Variants in HUNK observed in about 807,000 individuals in gnomAD.
HUNK encodes hormonally up-regulated neu tumor-associated kinase.
In HUNK, 21 loss-of-function variants were observed where a neutral mutation model predicts 61.0. That is an observed-to-expected ratio of 0.34 (90% CI 0.24 to 0.50). HUNK has a LOEUF of 0.50. Among genes scored for constraint, HUNK ranks in the 20% least tolerant of loss-of-function variants. The probability of loss-of-function intolerance (pLI) is 0.98; values close to 1 mark genes in which losing one functional copy is unlikely to be tolerated. For missense variants in HUNK, 772 were observed against 945.7 expected (o/e 0.82, Z 2.41); for synonymous variants, 371 against 386.1 (o/e 0.96, Z 0.46).
At chr21:31,947,044 T>G (rs1201888749) in intron 4 of HUNK, among the ~76,000 whole-genome samples, 2 of 151,304 alleles carry the variant, frequency 1.3e-5, no homozygotes, top group Non-Finnish European at 3.0e-5. Context: ...CGCCTGCGCA[T>G]TCCCACATCC....
Position 31,998,584 on chromosome 21 carries a change from T to C in HUNK, c.1545T>C (p.Ser515=), listed in dbSNP as rs1340946442. The change falls in exon 11 of 11, where the codon TCT becomes TCC. Residue 515 remains serine (S), a synonymous_variant. Transcript: ENST00000270112. ...RKTSDSNCVA[S]SSMEFIPVPP... ...CCTCAGATTCCAATTGTGTGGCTTC[T>C]TCTTCCATGGAGTTCATCCCCGTGC... The C allele has an allele frequency of 8.1e-6, 13 of 1,611,068 alleles. No homozygotes were observed. In the Admixed American group the frequency reaches 1.9e-4, roughly 23 times the overall value.
At chr21:31,992,390 C>T (rs2053177388) in intron 9 of HUNK, among the ~76,000 whole-genome samples, 1 of 152,240 alleles carries the variant, frequency 6.6e-6, no homozygotes, top group Admixed American at 6.5e-5. Flanking sequence ...AAATGTCCCA[C>T]TTTGCAAATG....
chr21:31,951,209 A>T (rs180817805), intron 4 of HUNK, among the ~76,000 whole-genome samples: 164 of 148,566 alleles, frequency 1.1e-3, no homozygotes, highest in East Asian at 3.7e-3. Context: ...TATATATATA[A>T]AAATAACATA....
chr21:31,947,056 A>ATTCTCAAGCCAGT (rs2052809311), intron 4 of HUNK, among the ~76,000 whole-genome samples: 1 of 145,350 alleles, frequency 6.9e-6, no homozygotes, highest in Admixed American at 6.8e-5. Flanking sequence ...CCCACATCCC[A>ATTCTCAAGCCAGT]GGCTCAAGCC....
intron 1 of HUNK, among the ~76,000 whole-genome samples, chr21:31,918,392 G>C (rs1448562408): frequency 6.6e-6 from 1 of 152,188 alleles, no homozygotes; most frequent in East Asian, 1.9e-4. Context: ...GTCAGATGAT[G>C]GTAGGGCACA....
intron 1 of HUNK, among the ~76,000 whole-genome samples, chr21:31,900,108 G>T (rs1261217338): frequency 6.6e-6 from 1 of 152,030 alleles, no homozygotes; most frequent in Admixed American, 6.6e-5. Flanking sequence ...CTCCTACTGA[G>T]TCCCTTTGAC....
At chr21:31,905,607 T>G (rs142781064) in intron 1 of HUNK, among the ~76,000 whole-genome samples, 9 of 152,288 alleles carry the variant, frequency 5.9e-5, no homozygotes, top group African/African-American at 2.2e-4. Context: ...CTGAGAGCCA[T>G]TATCTGCTGT....
At position 31,998,611 on chromosome 21, in the gene HUNK, A is replaced by G. The variant is rs1346157456; in HGVS notation, c.1572A>G (p.Pro524=). Residue 524 remains proline, a synonymous_variant, in exon 11 of 11, where the codon CCA becomes CCG. Coordinates refer to ENST00000270112, the MANE Select transcript of HUNK (RefSeq NM_014586.2). ...ASSSMEFIPV[P]PPRTPRIVKK... ...CTTCCATGGAGTTCATCCCCGTGCC[A>G]CCGCCCAGGACCCCGAGGATTGTGA... 3 of 1,613,786 alleles carry G rather than the reference A, an allele frequency of 1.9e-6. No individual in the cohort carries two copies. The South Asian group carries it at 3.3e-5, about 18-fold the overall frequency.
intron 1 of HUNK, among the ~76,000 whole-genome samples, chr21:31,915,561 A>T (rs2833560): frequency 0.18 from 27,024 of 151,716 alleles, 2,952 homozygotes; most frequent in African/African-American, 0.3. Context: ...TGATCAGTAT[A>T]TTTTTTTTCT....
At chr21:31,936,979 C>T (rs1255416619) in intron 2 of HUNK, among the ~76,000 whole-genome samples, 1 of 152,154 alleles carries the variant, frequency 6.6e-6, no homozygotes, top group Admixed American at 6.5e-5. Context: ...GGCTTAACTT[C>T]GTTTGAAACA....
Position 31,999,289 on chromosome 21 carries a change from T to A in HUNK, c.*105T>A. The A allele has an allele frequency of 9.8e-7, 1 of 1,015,318 alleles. No homozygotes were observed. The highest frequency in any genetic ancestry group is 1.5e-6 in the Non-Finnish European group (1 of 686,118). The allele number at this position is 1,015,318 out of a possible 1,614,324, so 62.9% of individuals were successfully genotyped here. ...TCCAAGGCCTCGCGTGGAGCATCCTTAGTCCCACCTGTAGCTGAATCCACA... is the reference window on the plus strand; with the variant it reads ...TCCAAGGCCTCGCGTGGAGCATCCTAAGTCCCACCTGTAGCTGAATCCACA... On this transcript the variant is annotated 3_prime_UTR_variant, in exon 11 of 11. Transcript: ENST00000270112.
intron 8 of HUNK, among the ~76,000 whole-genome samples, chr21:31,988,168 T>C (rs1466396630): frequency 3.9e-5 from 6 of 152,134 alleles, no homozygotes; most frequent in African/African-American, 1.4e-4. Flanking sequence ...AAAAGTGGGG[T>C]GCATTTCTCA....
intron 1 of HUNK, among the ~76,000 whole-genome samples, chr21:31,903,741 G>C (rs1368911643): frequency 6.6e-6 from 1 of 152,216 alleles, no homozygotes; most frequent in Admixed American, 6.5e-5. Context: ...TGTTCCTTCA[G>C]TGATCACAGT....
intron 2 of HUNK, among the ~76,000 whole-genome samples, chr21:31,930,179 G>A (rs187701939): frequency 5.0e-4 from 76 of 152,302 alleles, no homozygotes; most frequent in Non-Finnish European, 8.2e-4. Context: ...TTGACCACTC[G>A]AAAGTGGCGC....
intron 1 of HUNK, among the ~76,000 whole-genome samples, chr21:31,901,453 G>A (rs1375225537): frequency 1.3e-5 from 2 of 152,186 alleles, no homozygotes; most frequent in African/African-American, 4.8e-5. Context: ...TGATGTGGAG[G>A]CCTTGGCTTG....
rs1317436278 is a variant in HUNK at position 31,873,971 on chromosome 21, G to T, written c.261+36G>T. On this transcript the variant is annotated intron_variant, in intron 1 of 10. Transcript: ENST00000270112. The surrounding 1 kb of genome is among the most constrained non-coding windows in gnomAD (Gnocchi z 6.1). ...CGGGCGCCGTGGGGCTGGGGCACAG[G>T]GGCGGGAGTCGGCGGCCAGGACCCC... The T allele has an allele frequency of 1.1e-5, 15 of 1,423,566 alleles. No individual in the cohort carries two copies. Among genetic ancestry groups the T allele is most frequent in the Non-Finnish European group, 1.1e-5 (12 of 1,083,008 alleles). The allele number at this position is 1,423,566 out of a possible 1,614,324, so 88.2% of individuals were successfully genotyped here.
chr21:31,935,592 C>T (rs1449506709), intron 2 of HUNK, among the ~76,000 whole-genome samples: 2 of 152,148 alleles, frequency 1.3e-5, no homozygotes, highest in African/African-American at 2.4e-5. Context: ...ACACCCCAAC[C>T]CCTGGCAGCC....
At chr21:31,979,512 ATTCTTTTTTTTTTTTTT>A (rs1188503777) in intron 7 of HUNK, among the ~76,000 whole-genome samples, 4 of 99,508 alleles carry the variant, frequency 4.0e-5, no homozygotes, top group Non-Finnish European at 7.9e-5. Context: ...AGTTGTTTGC[ATTCTTTTTTTTTTTTTT>A]TTTTTTTTTT....
At chr21:31,919,057 C>CGGTATGAGGAGGAGGGGCTGGACTGAGT (rs2052605121) in intron 1 of HUNK, among the ~76,000 whole-genome samples, 1 of 71,244 alleles carries the variant, frequency 1.4e-5, no homozygotes, top group Non-Finnish European at 2.5e-5. Context: ...CTGGACTGAG[C>CGGTATGAGGAGGAGGGGCTGGACTGAGT]GGTATGAGGA....
Sources: gnomAD v4.1 joint callset for allele counts (sites outside exome capture counted in the v4.1 genomes callset) on GRCh38, gnomAD v4.1.1 for gene constraint, Gnocchi (gnomAD v3.1) non-coding constraint, MANE v1.5 for transcripts, NCBI Gene and HGNC (gene_info 2026-07-23, HGNC 2026-07-21) for gene names.